RUNX3: variants seen among roughly 807,000 people sequenced by gnomAD.
RUNX3 encodes runt-related transcription factor 3.
A neutral mutation model predicts 27.7 loss-of-function variants in RUNX3; 10 were observed. That is an observed-to-expected ratio of 0.36 (90% CI 0.22 to 0.61). The LOEUF is 0.61. Among genes scored for constraint, RUNX3 ranks in the 20% least tolerant of loss-of-function variants. The pLI, the probability that RUNX3 is intolerant of heterozygous loss-of-function variation, is 0.72. For synonymous variants in RUNX3, 270 were observed against 269.2 expected, an observed-to-expected ratio of 1.00 and a Z score of -0.03; for missense variants, 469 against 629.5, an observed-to-expected ratio of 0.75 and a Z score of 2.73.
intron 2 of RUNX3, among the ~76,000 whole-genome samples, chr1:24,944,220 C>G (rs1056628401): frequency 5.9e-5 from 9 of 152,226 alleles, no homozygotes; most frequent in African/African-American, 2.2e-4. Context: ...TGACCTGCCA[C>G]CCTCCACCTC....
chr1:24,959,180 C>A (rs893746442), intron 2 of RUNX3, among the ~76,000 whole-genome samples: 3 of 152,250 alleles, frequency 2.0e-5, no homozygotes, highest in African/African-American at 7.2e-5. Flanking sequence ...CACCTCCAGG[C>A]CCAGGCGTCA....
chr1:24,914,566 G>T (rs1003421638), intron 3 of RUNX3, among the ~76,000 whole-genome samples: 1 of 152,186 alleles, frequency 6.6e-6, no homozygotes, highest in Non-Finnish European at 1.5e-5. Flanking sequence ...GAGGCGAGCG[G>T]TTCCCTCCCA....
chr1:24,924,340 G>A (rs1425561320), intron 2 of RUNX3, among the ~76,000 whole-genome samples: 4 of 152,112 alleles, frequency 2.6e-5, no homozygotes, highest in East Asian at 1.9e-4. Flanking sequence ...TGGCCTGGGC[G>A]ACAGAGCGAG....
intron 2 of RUNX3, among the ~76,000 whole-genome samples, chr1:24,938,818 G>A (rs774023346): frequency 1.3e-5 from 2 of 152,122 alleles, no homozygotes; most frequent in Non-Finnish European, 2.9e-5. Flanking sequence ...CACTGCCTTG[G>A]AAACAGGGAG....
rs1345423878 is a variant in RUNX3, at chr1:24,943,687, G to C, written c.59-13835C>G. ...AGGGGATGTGACGTGCTGGGGCCCA[G>C]GGGAGTCCAAAGTCAGGACTCATTC... On this transcript the variant is annotated intron_variant, in intron 2 of 6. Coordinates refer to the RUNX3 transcript ENST00000338888. The surrounding 1 kb of genome is among the most constrained non-coding windows in gnomAD (Gnocchi z 4.6). 1.3e-5 allele frequency among the ~76,000 whole-genome samples: 2 copies of C among 152,202 alleles called. No homozygotes were observed. The highest frequency in any genetic ancestry group is 4.8e-5 in the African/African-American group (2 of 41,444).
intron 2 of RUNX3, among the ~76,000 whole-genome samples, chr1:24,938,757 C>T (rs562764814): frequency 2.6e-5 from 4 of 152,258 alleles, no homozygotes; most frequent in African/African-American, 9.6e-5. Flanking sequence ...CTTTGCCCTT[C>T]TGACTTCAGG....
At chr1:24,956,869 C>A (rs748518368) in intron 2 of RUNX3, among the ~76,000 whole-genome samples, 1 of 152,226 alleles carries the variant, frequency 6.6e-6, no homozygotes, top group Non-Finnish European at 1.5e-5. Flanking sequence ...TTCCGTCCCC[C>A]AGATGCCCTC....
intron 1 of RUNX3, 39 bp downstream of exon 1, chr1:24,929,548 C>T: frequency 6.5e-7 from 1 of 1,527,236 alleles, no homozygotes; most frequent in African/African-American, 1.8e-5. Flanking sequence ...GCCCGGAGCC[C>T]CAGGGCCGGC....
chr1:24,914,625 A>G (rs9438876), intron 3 of RUNX3, among the ~76,000 whole-genome samples: 80,337 of 152,052 alleles, frequency 0.53, 21,547 homozygotes, highest in African/African-American at 0.57. Flanking sequence ...AGGAGAACCC[A>G]GGAGGTCTGT....
intron 3 of RUNX3, among the ~76,000 whole-genome samples, chr1:24,909,749 C>T (rs1027239219): frequency 1.3e-5 from 2 of 152,224 alleles, no homozygotes; most frequent in Admixed American, 6.5e-5. Context: ...TGCAGCTTCT[C>T]CAGGGCTGAC....
chr1:24,964,615 T>A, exon 2 of RUNX3: 1 of 1,588,112 alleles, frequency 6.3e-7, no homozygotes. Flanking sequence ...CTTCAGGGGG[T>A]TGGGTTGGGA....
chr1:24,963,502 T>G (rs1642174276), intron 2 of RUNX3, among the ~76,000 whole-genome samples: 1 of 152,134 alleles, frequency 6.6e-6, no homozygotes, highest in African/African-American at 2.4e-5. Context: ...TTATACATGG[T>G]CCACCCCCAG....
At chr1:24,906,429 C>T in intron 4 of RUNX3, among the ~76,000 whole-genome samples, 1 of 152,254 alleles carries the variant, frequency 6.6e-6, no homozygotes, top group Admixed American at 6.5e-5. Flanking sequence ...GTCCACCCGG[C>T]CACCAAGCAC....
intron 2 of RUNX3, among the ~76,000 whole-genome samples, chr1:24,957,114 G>A (rs1406223354): frequency 3.9e-5 from 6 of 152,166 alleles, no homozygotes; most frequent in Admixed American, 3.9e-4. Flanking sequence ...TGCCCTTTCC[G>A]CCCACACGTA....
At chr1:24,937,271 G>C (rs1641369534) in intron 2 of RUNX3, among the ~76,000 whole-genome samples, 1 of 152,242 alleles carries the variant, frequency 6.6e-6, no homozygotes, top group African/African-American at 2.4e-5. Context: ...TCCTGAGCTT[G>C]TTTTAATGCC....
rs115921453 is a variant in RUNX3 at position 24,950,649 on chromosome 1, C to A, written c.58+13865G>T. ...TCTTGGAGTAGAGGGATGTGGAGTACCTCCCTCTGCTTGGAGTATCTGGGG... is the reference window on the plus strand; with the variant it reads ...TCTTGGAGTAGAGGGATGTGGAGTAACTCCCTCTGCTTGGAGTATCTGGGG... On this transcript the variant is annotated intron_variant, in intron 2 of 6. Coordinates refer to the RUNX3 transcript ENST00000338888. Among the ~76,000 whole-genome samples, 864 of 152,134 alleles carry A rather than the reference C, an allele frequency of 5.7e-3. 8 individuals are homozygous for A. Among genetic ancestry groups the A allele is most frequent in the African/African-American group, 0.02 (827 of 41,520 alleles).
intron 2 of RUNX3, among the ~76,000 whole-genome samples, chr1:24,954,001 C>T (rs922945109): frequency 2.6e-5 from 4 of 152,228 alleles, no homozygotes; most frequent in African/African-American, 9.6e-5. Flanking sequence ...CAGCCTTCAC[C>T]TCTTGAGCTC....
rs931109543 is a variant in RUNX3, at chr1:24,927,087, C to T, written c.439+487G>A. Among the ~76,000 whole-genome samples, 6 of 152,166 alleles carry T rather than the reference C, an allele frequency of 3.9e-5. No individual in the cohort carries two copies. Among genetic ancestry groups the T allele is most frequent in the Admixed American group, 1.3e-4 (2 of 15,278 alleles). On this transcript the variant is annotated intron_variant, in intron 2 of 4. Transcript: ENST00000308873. This position sits in a 1 kb window ranked among gnomAD's most constrained non-coding sequence, Gnocchi z 5.0. ...TTCTAGACCACCTAGGGCTCAAAGG[C>T]GCTGGGAAACTGGGTCTGGGAGACC...
At chr1:24,909,176 T>C (rs1640751309) in intron 3 of RUNX3, among the ~76,000 whole-genome samples, 1 of 152,168 alleles carries the variant, frequency 6.6e-6, no homozygotes, top group South Asian at 2.1e-4. Context: ...TGGAGTGATA[T>C]CAAGCTTGCA....
Sources: gnomAD v4.1 joint callset for allele counts (sites outside exome capture counted in the v4.1 genomes callset) on GRCh38, gnomAD v4.1.1 for gene constraint, Gnocchi (gnomAD v3.1) non-coding constraint, MANE v1.5 for transcripts, NCBI Gene and HGNC (gene_info 2026-07-23, HGNC 2026-07-21) for gene names.